UCHL5: variants seen among roughly 807,000 people sequenced by gnomAD.
UCHL5 encodes ubiquitin C-terminal hydrolase L5.
UCHL5 carries 34 observed loss-of-function variants against 53.8 expected under a neutral mutation model. The observed-to-expected ratio is 0.63, with a 90% CI of 0.48 to 0.84. The LOEUF (loss-of-function observed/expected upper bound fraction) is 0.84, where lower values mean the gene tolerates loss of function less well. UCHL5 is among the 40% of genes least tolerant of loss of function. The pLI is 0.00. For synonymous variants in UCHL5, 111 were observed against 126.3 expected (o/e 0.88, Z 0.81); for missense variants, 290 against 385.6 (o/e 0.75, Z 2.08).
intron 3 of UCHL5, among the ~76,000 whole-genome samples, chr1:193,038,420 A>C (rs1230416155): frequency 3.4e-5 from 5 of 149,030 alleles, no homozygotes; most frequent in African/African-American, 9.9e-5. Flanking sequence ...GCGCCACTGC[A>C]CTCCAGCCTG....
At chr1:193,045,461 G>T (rs1399715059) in intron 3 of UCHL5, among the ~76,000 whole-genome samples, 1 of 152,144 alleles carries the variant, frequency 6.6e-6, no homozygotes, top group Non-Finnish European at 1.5e-5. Context: ...TTAAAAATGT[G>T]TGCCCCACTC....
At chr1:193,059,902 C>T, upstream of UCHL5, 1 of 1,365,858 alleles carries the variant, frequency 7.3e-7, no homozygotes, top group Non-Finnish European at 9.8e-7. This position sits in a 1 kb window ranked among gnomAD's most constrained non-coding sequence, Gnocchi z 4.9. Flanking sequence ...CGCCGCGAAA[C>T]TATCGCTCTT....
intron 4 of UCHL5, 23 bp from the exon 5 acceptor site, chr1:193,029,472 C>T: frequency 1.2e-6 from 2 of 1,613,226 alleles, no homozygotes; most frequent in Non-Finnish European, 1.7e-6. Flanking sequence ...TTTAAAGTAG[C>T]CTATTAATAT....
chr1:193,028,690 G>T (rs988733683), intron 6 of UCHL5, among the ~76,000 whole-genome samples: 16 of 152,046 alleles, frequency 1.1e-4, no homozygotes, highest in African/African-American at 3.4e-4. Flanking sequence ...GGTAGGATCA[G>T]AACAATCTAT....
chr1:193,045,914 CT>C (rs1297987730), intron 3 of UCHL5, among the ~76,000 whole-genome samples: 1 of 152,146 alleles, frequency 6.6e-6, no homozygotes, highest in Non-Finnish European at 1.5e-5. Context: ...CATCTGTCCC[CT>C]AGCTTTTCTC....
chr1:193,022,114 A>T lies in UCHL5; in HGVS notation c.843+812T>A, dbSNP rs769841292. On this transcript the variant is annotated intron_variant, in intron 9 of 10. Coordinates refer to ENST00000367454, the MANE Select transcript of UCHL5 (RefSeq NM_001199261.3). ...ATTTTTTCCTTCCCTATCTCCATGA[A>T]CTTGTCCCTCCCTTTTTCCCGCCTG... 3.0e-4 allele frequency among the ~76,000 whole-genome samples: 46 copies of T among 152,024 alleles called. 1 individual carries two copies. Among genetic ancestry groups the T allele is most frequent in the Admixed American group, 1.3e-3 (20 of 15,244 alleles).
At chr1:193,056,009 T>G (rs1670522973) in intron 1 of UCHL5, among the ~76,000 whole-genome samples, 1 of 152,212 alleles carries the variant, frequency 6.6e-6, no homozygotes, top group Non-Finnish European at 1.5e-5. Flanking sequence ...TGAAGCCACC[T>G]TGGCTAGAAT....
chr1:193,037,383 C>A (rs1274968307), intron 3 of UCHL5, among the ~76,000 whole-genome samples: 1 of 151,644 alleles, frequency 6.6e-6, no homozygotes, highest in East Asian at 1.9e-4. Flanking sequence ...AATTGGAAAA[C>A]CTAGAAATGG....
rs547509732 is a variant in UCHL5, at chr1:193,053,791, A to T, written c.77-1974T>A. Among the ~76,000 whole-genome samples, 420 of 152,344 alleles carry T rather than the reference A, an allele frequency of 2.8e-3. 2 individuals carry two copies. Among genetic ancestry groups the T allele is most frequent in the Non-Finnish European group, 3.0e-3 (207 of 68,024 alleles). ...AAAGTTGAGGAGGGGGGAAGGTTTT[A>T]AAATGGTATTTACCAAATATCTTTT... On this transcript the variant is annotated intron_variant, in intron 1 of 10. Coordinates refer to ENST00000367454, the MANE Select transcript of UCHL5 (RefSeq NM_001199261.3).
chr1:193,041,939 C>T lies in UCHL5; in HGVS notation c.246+7807G>A, dbSNP rs538785681. On this transcript the variant is annotated intron_variant, in intron 3 of 10. Coordinates refer to ENST00000367454, the MANE Select transcript of UCHL5 (RefSeq NM_001199261.3). ...AGGAGTTAGAGACCAGCCTGAGTAA[C>T]ATAATGAGATTCTGTCTCTACCAAA... Among the ~76,000 whole-genome samples, 77 of 152,068 alleles carry T rather than the reference C, an allele frequency of 5.1e-4. 1 individual carries two copies. The highest frequency in any genetic ancestry group is 1.9e-3 in the South Asian group (9 of 4,804).
chr1:193,039,937 T>C (rs1056313752), intron 3 of UCHL5, among the ~76,000 whole-genome samples: 13 of 152,070 alleles, frequency 8.5e-5, no homozygotes, highest in Non-Finnish European at 1.5e-4. Flanking sequence ...GAAAACTGGA[T>C]AACCATTGCA....
At chr1:193,045,713 G>GA (rs201438127) in intron 3 of UCHL5, among the ~76,000 whole-genome samples, 25 of 151,932 alleles carry the variant, frequency 1.6e-4, no homozygotes, top group Admixed American at 1.6e-3. Flanking sequence ...ACATACATGG[G>GA]AAAAAAATCT....
intron 8 of UCHL5, 78 bp downstream of exon 8, chr1:193,023,766 T>C: frequency 9.2e-7 from 1 of 1,085,282 alleles, no homozygotes; most frequent in Non-Finnish European, 1.3e-6. Flanking sequence ...CACTTGATTA[T>C]ATATATATTT....
chr1:193,056,704 A>G (rs1434608571), intron 1 of UCHL5, among the ~76,000 whole-genome samples: 1 of 152,236 alleles, frequency 6.6e-6, no homozygotes, highest in East Asian at 1.9e-4. Context: ...GAACTTTTGA[A>G]ATGAATTTAT....
chr1:193,028,236 T>A, intron 6 of UCHL5, 88 bp from the exon 7 acceptor site: 2 of 1,148,972 alleles, frequency 1.7e-6, no homozygotes, highest in Non-Finnish European at 2.4e-6. Context: ...AATATTTTTT[T>A]ACAAATATTT....
chr1:193,029,958 A>G (rs757191523), intron 3 of UCHL5, among the ~76,000 whole-genome samples: 45 of 152,188 alleles, frequency 3.0e-4, no homozygotes, highest in Non-Finnish European at 5.1e-4. Context: ...GATTAAGCCA[A>G]CAGAGCTTGT....
At chr1:193,020,424 T>C (rs770998468) in intron 10 of UCHL5, 1 of 1,545,546 alleles carries the variant, frequency 6.5e-7, no homozygotes, top group South Asian at 1.2e-5. Flanking sequence ...CTTGGGGAAC[T>C]TATTAAAGAA....
intron 3 of UCHL5, among the ~76,000 whole-genome samples, chr1:193,045,409 T>A (rs1237885681): frequency 2.0e-5 from 3 of 152,200 alleles, no homozygotes; most frequent in Admixed American, 1.3e-4. Flanking sequence ...GCTTAGGCCA[T>A]CCCCTTGGTG....
intron 1 of UCHL5, among the ~76,000 whole-genome samples, chr1:193,052,571 C>T (rs1273697612): frequency 6.6e-6 from 1 of 152,132 alleles, no homozygotes; most frequent in Non-Finnish European, 1.5e-5. Flanking sequence ...CAGTAGTAAT[C>T]GTGTAGTGGT....
Sources: allele counts gnomAD v4.1 joint callset (sites outside exome capture counted in the v4.1 genomes callset), GRCh38; gene constraint gnomAD v4.1.1; non-coding constraint Gnocchi (gnomAD v3.1); transcripts MANE v1.5; gene names NCBI Gene and HGNC (gene_info 2026-07-23, HGNC 2026-07-21).